The following CASD1 variants were observed in gnomAD, a reference collection of about 807,000 sequenced individuals.
CASD1 encodes the protein N-acetylneuraminate (7)9-O-acetyltransferase.
A neutral mutation model predicts 100.0 loss-of-function variants in CASD1; 41 were observed. The observed-to-expected ratio is 0.41, with a 90% CI of 0.32 to 0.53. The LOEUF (loss-of-function observed/expected upper bound fraction) is 0.53. Among genes scored for constraint, CASD1 ranks in the 20% least tolerant of loss-of-function variants. The pLI, the probability that CASD1 is intolerant of heterozygous loss-of-function variation, is 0.25. For synonymous variants in CASD1, 321 were observed against 315.6 expected (o/e 1.02, Z -0.18); for missense variants, 774 against 948.7 (o/e 0.82, Z 2.42).
the CASD1 span, among the ~76,000 whole-genome samples, chr7:94,567,120 T>C: frequency 6.6e-6 from 1 of 152,172 alleles, no homozygotes; most frequent in Non-Finnish European, 1.5e-5. Context: ...CCTTTTTTTT[T>C]TTTAATCTTT....
chr7:94,522,186 G>T (rs951267207), intron 3 of CASD1, among the ~76,000 whole-genome samples: 5 of 152,104 alleles, frequency 3.3e-5, no homozygotes, highest in African/African-American at 1.2e-4. Flanking sequence ...CTCTTGAAGA[G>T]AACTTTCTGC....
chr7:94,578,589 A>T, the CASD1 span, among the ~76,000 whole-genome samples: 5 of 152,308 alleles, frequency 3.3e-5, no homozygotes, highest in African/African-American at 9.6e-5. Flanking sequence ...AAATTAAATT[A>T]TATCTCACAG....
chr7:94,562,694 A>G, the CASD1 span, among the ~76,000 whole-genome samples: 2 of 151,918 alleles, frequency 1.3e-5, no homozygotes, highest in South Asian at 2.1e-4. Context: ...CTAACTGCCA[A>G]TTGTTTCCTC....
In CASD1 at chr7:94,545,577, G is replaced by A; in HGVS notation, c.1509G>A (p.Val503=). 6.2e-7 allele frequency: 1 copy of A among 1,607,174 alleles called. No individual in the cohort carries two copies. The highest frequency in any genetic ancestry group is 8.5e-7 in the Non-Finnish European group (1 of 1,174,862). ...TTCGTCTCAATTTCCTGGTAGTGGT[G>A]TTATGTATAGTAATGGATCGACCTT... ...VLFRLNFLVV[V]LCIVMDRPYQ... Residue 503 remains valine, a synonymous_variant, in exon 12 of 18, where the codon GTG becomes GTA. Coordinates refer to ENST00000297273, the MANE Select transcript of CASD1 (RefSeq NM_022900.5).
the CASD1 span, chr7:94,629,498 G>C: frequency 6.6e-6 from 3 of 455,298 alleles, no homozygotes; most frequent in Non-Finnish European, 8.0e-6. Context: ...ACTCAAGACT[G>C]AGAATCCAGA....
At chr7:94,552,930 C>T (rs1584436829) in intron 16 of CASD1, among the ~76,000 whole-genome samples, 1 of 152,066 alleles carries the variant, frequency 6.6e-6, no homozygotes, top group South Asian at 2.1e-4. Flanking sequence ...AGCAAGACTC[C>T]GTCTCAAACA....
At chr7:94,616,100 A>G in the CASD1 span, among the ~76,000 whole-genome samples, 1 of 152,154 alleles carries the variant, frequency 6.6e-6, no homozygotes, top group Non-Finnish European at 1.5e-5. Flanking sequence ...TGAGTTCTGC[A>G]GAGATTAAAA....
chr7:94,597,805 A>C, the CASD1 span: 2 of 152,198 alleles, frequency 1.3e-5, no homozygotes, highest in African/African-American at 4.8e-5. Context: ...CCAGGATTTC[A>C]AGACCAGCCT....
At chr7:94,573,311 G>A in the CASD1 span, among the ~76,000 whole-genome samples, 20 of 152,288 alleles carry the variant, frequency 1.3e-4, no homozygotes, top group South Asian at 6.2e-4. Context: ...TGTAAATTGC[G>A]TTGGGCAGTA....
At chr7:94,544,320 CATTT>C in intron 10 of CASD1, 87 bp from the exon 11 acceptor site, 1 of 1,449,118 alleles carries the variant, frequency 6.9e-7, no homozygotes, top group Non-Finnish European at 9.5e-7. Flanking sequence ...TGCTAATAAT[CATTT>C]ATTATCTTTG....
chr7:94,554,885 C>G (rs1796127283), intron 17 of CASD1, among the ~76,000 whole-genome samples: 1 of 151,874 alleles, frequency 6.6e-6, no homozygotes, highest in Admixed American at 6.6e-5. Context: ...AATATTAGAC[C>G]AGGTATATAA....
chr7:94,510,254 G>A (rs772250276), intron 1 of CASD1, 37 bp downstream of exon 1: 1 of 1,378,228 alleles, frequency 7.3e-7, no homozygotes, highest in South Asian at 1.6e-5. Flanking sequence ...GCAGGCCGTG[G>A]GGGAGGCGGC....
chr7:94,621,270 C>G, the CASD1 span: 1 of 152,236 alleles, frequency 6.6e-6, no homozygotes, highest in Non-Finnish European at 1.5e-5. Flanking sequence ...GACTTTAGTG[C>G]AGTGGTTCAA....
chr7:94,625,438 C>T, the CASD1 span: 1 of 152,028 alleles, frequency 6.6e-6, no homozygotes, highest in South Asian at 2.1e-4. Flanking sequence ...AATGAATGCA[C>T]TCACAATGAA....
chr7:94,541,462 A>G (rs1795390704), intron 10 of CASD1, among the ~76,000 whole-genome samples: 1 of 150,272 alleles, frequency 6.7e-6, no homozygotes, highest in Non-Finnish European at 1.5e-5. Flanking sequence ...TATGAAATAT[A>G]GATGAAATGT....
chr7:94,526,524 A>T (rs1244531462), intron 3 of CASD1, among the ~76,000 whole-genome samples: 1 of 152,224 alleles, frequency 6.6e-6, no homozygotes, highest in East Asian at 1.9e-4. Context: ...ACGGTGGCAC[A>T]TGCCTTGTAA....
intron 10 of CASD1, among the ~76,000 whole-genome samples, chr7:94,541,701 G>A (rs1325748191): frequency 6.6e-6 from 1 of 151,754 alleles, no homozygotes; most frequent in Non-Finnish European, 1.5e-5. Context: ...GAAATTTCAT[G>A]CATATTCTTA....
the CASD1 span, chr7:94,599,155 A>G: frequency 1.8e-6 from 1 of 547,534 alleles, no homozygotes; most frequent in Non-Finnish European, 3.2e-6. Flanking sequence ...ACTGAAAATT[A>G]TAAACTGATT....
At chr7:94,601,679 T>C in the CASD1 span, among the ~76,000 whole-genome samples, 3 of 152,076 alleles carry the variant, frequency 2.0e-5, no homozygotes, top group African/African-American at 2.4e-5. Flanking sequence ...AAAACTCCAC[T>C]TGAAAAATTT....
Sources: gnomAD v4.1 joint callset for allele counts (sites outside exome capture counted in the v4.1 genomes callset) on GRCh38, gnomAD v4.1.1 for gene constraint, MANE v1.5 for transcripts, NCBI Gene and HGNC (gene_info 2026-07-23, HGNC 2026-07-21) for gene names.